The following MTOR variants were observed in gnomAD, a reference collection of about 807,000 sequenced individuals.
MTOR encodes the protein serine/threonine-protein kinase mTOR.
In MTOR, 70 loss-of-function variants were observed where a neutral mutation model predicts 319.8. That is an observed-to-expected ratio of 0.22 (90% confidence interval 0.18 to 0.27). The LOEUF is 0.27. Among genes scored for constraint, MTOR ranks in the 10% least tolerant of loss-of-function variants. MTOR has a pLI of 1.00. For synonymous variants in MTOR, 1,183 were observed against 1,211.4 expected, an observed-to-expected ratio of 0.98 and a Z score of 0.49; for missense variants, 1,890 against 3,274.4, an observed-to-expected ratio of 0.58 and a Z score of 10.32.
At position 11,195,041 on chromosome 1, in the gene MTOR, G is replaced by C. The variant is rs765448595; in HGVS notation, c.4253+4217C>G. The stretch of plus-strand genomic sequence containing the variant: ...AGCCTTAAAAGGAGGCTGCCGTGGA[G>C]CACGGATACAGAAACTGAGACACGT... On this transcript the variant is annotated intron_variant, in intron 28 of 57. Transcript: ENST00000361445. The C allele has an allele frequency of 3.1e-6, 5 of 1,611,474 alleles. No individual in the cohort carries two copies. The African/African-American group carries it at 6.7e-5, about 22-fold the overall frequency.
chr1:11,203,717 G>A (rs1439178944), intron 26 of MTOR, among the ~76,000 whole-genome samples: 1 of 152,204 alleles, frequency 6.6e-6, no homozygotes, highest in Non-Finnish European at 1.5e-5. Context: ...AAAGATGTCT[G>A]CAACAGTGGC....
chr1:11,128,406 C>T lies in MTOR; in HGVS notation c.5910+48G>A. On this transcript the variant is annotated intron_variant, in intron 42 of 57. Transcript: ENST00000361445. The surrounding 1 kb of genome is among the most constrained non-coding windows in gnomAD (Gnocchi z 5.3). The stretch of plus-strand genomic sequence containing the variant: ...CCAGGGCAGCTTTTGGAAAGGCTGA[C>T]CACCAAACCAGTGGTTAGATGAGAA... The T allele has an allele frequency of 6.3e-7, 1 of 1,576,476 alleles. No homozygotes were observed. Among genetic ancestry groups the T allele is most frequent in the South Asian group, 1.1e-5 (1 of 90,210 alleles).
At chr1:11,208,246 G>C (rs1040211252) in intron 25 of MTOR, among the ~76,000 whole-genome samples, 2 of 152,212 alleles carry the variant, frequency 1.3e-5, no homozygotes, top group Admixed American at 6.5e-5. Flanking sequence ...CAGAGGGAAA[G>C]CAGCATCACT....
chr1:11,167,808 G>A (rs1057447754), intron 28 of MTOR, among the ~76,000 whole-genome samples: 2 of 152,254 alleles, frequency 1.3e-5, no homozygotes, highest in Middle Eastern at 6.8e-3. Flanking sequence ...GGTGGCTCAC[G>A]CCTGTAATCC....
Position 11,129,675 on chromosome 1 carries a change from G to T in MTOR, c.5714+63C>A. ...AGGAAGGGAAAGAGGACTTTTACGTGTGACTTCTAGGTCTTGCCATTAACA... is the reference window on the plus strand; with the variant it reads ...AGGAAGGGAAAGAGGACTTTTACGTTTGACTTCTAGGTCTTGCCATTAACA... On this transcript the variant is annotated intron_variant, in intron 40 of 57. Transcript: ENST00000361445. The surrounding 1 kb of genome is among the most constrained non-coding windows in gnomAD (Gnocchi z 4.7). 6.9e-7 allele frequency: 1 copy of T among 1,452,236 alleles called. No individual in the cohort carries two copies. Among genetic ancestry groups the T allele is most frequent in the Non-Finnish European group, 9.6e-7 (1 of 1,040,776 alleles). 90.0% of individuals were successfully genotyped at this position (1,452,236 alleles called of 1,614,324 possible). A position where few individuals can be genotyped will look rare whatever the true frequency, so the allele number is the denominator to read the frequency against.
chr1:11,257,380 C>CAAAAAAAAAAAAAAAA (rs1006118528), intron 3 of MTOR, among the ~76,000 whole-genome samples: 2 of 36,760 alleles, frequency 5.4e-5, no homozygotes, highest in Non-Finnish European at 1.2e-4. Flanking sequence ...TACTAAGATA[C>CAAAAAAAAAAAAAAAA]AAAAAAAAAA....
At position 11,118,845 on chromosome 1, in the gene MTOR, C is replaced by G. The variant is rs890763493; in HGVS notation, c.6934-1759G>C. On this transcript the variant is annotated intron_variant, in intron 49 of 57. Coordinates refer to ENST00000361445, the MANE Select transcript of MTOR (RefSeq NM_004958.4). The stretch of plus-strand genomic sequence containing the variant: ...TTTGCGACGCTGCCCAGGCTGGTCT[C>G]AAACGCCTGAGCTTCAAGCATTCCA... Among the ~76,000 whole-genome samples the G allele has an allele frequency of 8.5e-5, 13 of 152,066 alleles. 1 individual carries two copies. The highest frequency in any genetic ancestry group is 3.4e-3 in the Middle Eastern group (1 of 292).
intron 19 of MTOR, among the ~76,000 whole-genome samples, chr1:11,219,761 T>C (rs1046237927): frequency 2.0e-5 from 3 of 152,084 alleles, no homozygotes; most frequent in African/African-American, 4.8e-5. Flanking sequence ...CGGTGGCTCA[T>C]GCCTATAATT....
At chr1:11,242,224 C>A (rs1049727299) in intron 9 of MTOR, among the ~76,000 whole-genome samples, 9 of 152,020 alleles carry the variant, frequency 5.9e-5, no homozygotes, top group Middle Eastern at 3.4e-3. Flanking sequence ...ATTAGCTGGG[C>A]GTGCTGGCAC....
In MTOR at chr1:11,113,564, T is replaced by C. The variant is rs370692057; in HGVS notation, c.7301-647A>G. 9.9e-5 allele frequency among the ~76,000 whole-genome samples: 15 copies of C among 152,284 alleles called. No individual in the cohort carries two copies. The East Asian group carries it at 2.9e-3, about 29-fold the overall frequency. ...CTGCCAACCCCAGCTTCCACACACT[T>C]GATTTTATTTTTTATTTGTTTTCTT... On this transcript the variant is annotated intron_variant, in intron 53 of 57. Coordinates refer to ENST00000361445, the MANE Select transcript of MTOR (RefSeq NM_004958.4).
chr1:11,248,902 T>A (rs1649209872), intron 6 of MTOR, among the ~76,000 whole-genome samples: 1 of 152,136 alleles, frequency 6.6e-6, no homozygotes, highest in Admixed American at 6.6e-5. Flanking sequence ...TGAGAACTCA[T>A]GTCTATTACC....
chr1:11,261,503 G>A (rs1651133535), intron 1 of MTOR, among the ~76,000 whole-genome samples: 1 of 151,910 alleles, frequency 6.6e-6, no homozygotes, highest in Non-Finnish European at 1.5e-5. Context: ...ATTAGTTCCT[G>A]AGCTCATTCC....
intron 1 of MTOR, among the ~76,000 whole-genome samples, chr1:11,260,790 A>AT (rs34219246): frequency 0.015 from 2,054 of 134,806 alleles, 44 homozygotes; most frequent in African/African-American, 0.044. Context: ...TGGACTAGTC[A>AT]TTTTTTTTTT....
In MTOR at chr1:11,127,586, C is replaced by A. The variant is rs2100405968; in HGVS notation, c.6216+38G>T. On this transcript the variant is annotated intron_variant, in intron 44 of 57. Transcript: ENST00000361445. This position sits in a 1 kb window ranked among gnomAD's most constrained non-coding sequence, Gnocchi z 5.5. ...ATTTTTTTTTAGTGGCAGAATATTTCTACAGGGTTATGTCCTTTCGTGTTT... is the reference window on the plus strand; with the variant it reads ...ATTTTTTTTTAGTGGCAGAATATTTATACAGGGTTATGTCCTTTCGTGTTT... 1 of 1,546,412 alleles carries A rather than the reference C, an allele frequency of 6.5e-7. No homozygotes were observed. Among genetic ancestry groups the A allele is most frequent in the South Asian group, 1.2e-5 (1 of 81,348 alleles).
At chr1:11,250,024 C>A (rs1363159646) in intron 6 of MTOR, among the ~76,000 whole-genome samples, 2 of 144,286 alleles carry the variant, frequency 1.4e-5, no homozygotes, top group African/African-American at 2.6e-5. Context: ...ACCTCCCGGA[C>A]GGGGTGGCTG....
Position 11,128,148 on chromosome 1 carries a change from C to G in MTOR, c.5911-22G>C, listed in dbSNP as rs373827951. The G allele has an allele frequency of 6.2e-7, 1 of 1,612,914 alleles. No individual in the cohort carries two copies. The highest frequency in any genetic ancestry group is 1.3e-5 in the African/African-American group (1 of 74,986). On this transcript the variant is annotated intron_variant, in intron 42 of 57. Coordinates refer to ENST00000361445, the MANE Select transcript of MTOR (RefSeq NM_004958.4). The surrounding 1 kb of genome is among the most constrained non-coding windows in gnomAD (Gnocchi z 5.3). The stretch of plus-strand genomic sequence containing the variant: ...GGGCCTGAGGGAAAAACAGAAGAAA[C>G]ATCTATAAAGGAAATGTGGGTTGGG...
rs887241294 is a variant in MTOR at position 11,234,166 on chromosome 1, G to C, written c.2308C>G (p.Pro770Ala). The change falls in exon 14 of 58, where the codon CCC becomes GCC. Residue 770 changes from proline (P) to alanine (A), a missense_variant. Pro to Ala is a conservative substitution (Grantham distance 27). Coordinates refer to ENST00000361445, the MANE Select transcript of MTOR (RefSeq NM_004958.4). The stretch of plus-strand genomic sequence containing the variant: ...ACCTTCAGAATAGGCTCCATGTAGG[G>C]GCGGATGAGTCGGGGGGCATTGGAG... ...LVSNAPRLIR[P>A]YMEPILKALI... 5 of 1,614,054 alleles carry C rather than the reference G, an allele frequency of 3.1e-6. No homozygotes were observed. In the South Asian group the frequency reaches 3.3e-5, roughly 11 times the overall value.
intron 8 of MTOR, 95 bp downstream of exon 8, chr1:11,247,530 G>T (rs573096886): frequency 9.5e-7 from 1 of 1,057,246 alleles, no homozygotes; most frequent in Non-Finnish European, 1.4e-6. Context: ...ATTTGTTGGC[G>T]TTGCTTCAAA....
chr1:11,216,242 G>A lies in MTOR; in HGVS notation c.3031-8C>T, dbSNP rs777643299. Reference sequence around the variant, plus strand: ...CAGCTGCTGGAACAAAAACTGAAATGGACAAGAGGTCAACCAGCTGGTATC... The same window carrying A: ...CAGCTGCTGGAACAAAAACTGAAATAGACAAGAGGTCAACCAGCTGGTATC... On this transcript the variant is annotated splice_region_variant and splice_polypyrimidine_tract_variant and intron_variant, in intron 19 of 57. Transcript: ENST00000361445. The A allele has an allele frequency of 1.2e-6, 2 of 1,611,628 alleles. No individual in the cohort carries two copies. The highest frequency in any genetic ancestry group is 1.7e-5 in the Admixed American group (1 of 59,988).
Sources: allele counts gnomAD v4.1 joint callset (sites outside exome capture counted in the v4.1 genomes callset), GRCh38; gene constraint gnomAD v4.1.1; non-coding constraint Gnocchi (gnomAD v3.1); transcripts MANE v1.5; gene names NCBI Gene and HGNC (gene_info 2026-07-23, HGNC 2026-07-21).